The following PTPRT variants were observed in gnomAD, a reference collection of about 807,000 sequenced individuals.
PTPRT encodes protein tyrosine phosphatase receptor type T.
In PTPRT, 56 loss-of-function variants were observed where a neutral mutation model predicts 176.8. The observed-to-expected ratio is 0.32, with a 90% CI of 0.26 to 0.40. The LOEUF (loss-of-function observed/expected upper bound fraction) is 0.40. PTPRT is among the 10% of genes least tolerant of loss of function. The pLI, the probability that PTPRT is intolerant of heterozygous loss-of-function variation, is 1.00. For synonymous variants in PTPRT, 783 were observed against 739.0 expected (o/e 1.06, Z -0.96); for missense variants, 1,540 against 1,908.2 (o/e 0.81, Z 3.60).
At chr20:42,853,268 C>A (rs1314895248) in intron 2 of PTPRT, among the ~76,000 whole-genome samples, 1 of 152,104 alleles carries the variant, frequency 6.6e-6, no homozygotes, top group Non-Finnish European at 1.5e-5. Flanking sequence ...ATAGAACCGA[C>A]AGAATATATA....
At chr20:43,141,648 T>C (rs977803285) in intron 1 of PTPRT, among the ~76,000 whole-genome samples, 5 of 152,330 alleles carry the variant, frequency 3.3e-5, no homozygotes, top group African/African-American at 9.6e-5. Flanking sequence ...CAGTGTTGCA[T>C]TGCAAGGGTA....
At chr20:43,029,088 C>T (rs1179202966) in intron 1 of PTPRT, among the ~76,000 whole-genome samples, 1 of 152,198 alleles carries the variant, frequency 6.6e-6, no homozygotes, top group East Asian at 1.9e-4. Flanking sequence ...CTTTGAATTT[C>T]CTCTCCTAAC....
At chr20:42,480,632 T>C (rs1412121610) in intron 7 of PTPRT, among the ~76,000 whole-genome samples, 5 of 152,180 alleles carry the variant, frequency 3.3e-5, no homozygotes, top group African/African-American at 1.2e-4. Context: ...GATGATATGA[T>C]GAAGCTTGAT....
intron 1 of PTPRT, among the ~76,000 whole-genome samples, chr20:43,059,764 A>G (rs757257272): frequency 3.9e-5 from 6 of 152,124 alleles, no homozygotes; most frequent in African/African-American, 1.2e-4. Flanking sequence ...AGATCAACTG[A>G]TGTCAGGAGT....
intron 6 of PTPRT, among the ~76,000 whole-genome samples, chr20:42,690,850 G>A (rs914696299): frequency 6.6e-6 from 1 of 152,164 alleles, no homozygotes; most frequent in African/African-American, 2.4e-5. Flanking sequence ...TAAAATCAGG[G>A]TCATGGTCAT....
At chr20:42,123,067 A>T (rs6130042) in intron 19 of PTPRT, among the ~76,000 whole-genome samples, 43,635 of 152,110 alleles carry the variant, frequency 0.29, 6,752 homozygotes, top group Non-Finnish European at 0.34. Flanking sequence ...GACATGGGAC[A>T]TGCCACCCAG....
chr20:43,166,786 A>G (rs1268944561), intron 1 of PTPRT, among the ~76,000 whole-genome samples: 5 of 152,244 alleles, frequency 3.3e-5, no homozygotes, highest in African/African-American at 1.2e-4. Context: ...AATGGCTTCA[A>G]ATGGTTTTGT....
chr20:42,140,163 T>TAAAAC (rs986596998), intron 18 of PTPRT, among the ~76,000 whole-genome samples: 10 of 152,186 alleles, frequency 6.6e-5, no homozygotes, highest in East Asian at 1.9e-4. Context: ...TCTAGACAGT[T>TAAAAC]AAAACAAAAC....
chr20:42,930,767 AC>A (rs1388637682), intron 1 of PTPRT, among the ~76,000 whole-genome samples: 1 of 152,124 alleles, frequency 6.6e-6, no homozygotes, highest in Non-Finnish European at 1.5e-5. Context: ...GGCATGAGTC[AC>A]CATGCCCAGA....
chr20:42,305,261 G>A (rs2057527750), intron 12 of PTPRT, among the ~76,000 whole-genome samples: 1 of 108,472 alleles, frequency 9.2e-6, no homozygotes, highest in Non-Finnish European at 1.9e-5. Flanking sequence ...GCTGAGGCAG[G>A]AGAATCACTC....
At chr20:42,545,818 C>T (rs2072663858) in intron 7 of PTPRT, among the ~76,000 whole-genome samples, 1 of 152,120 alleles carries the variant, frequency 6.6e-6, no homozygotes, top group South Asian at 2.1e-4. Flanking sequence ...CAGAAGTTAG[C>T]AACAAGGTCC....
At chr20:42,136,227 C>G (rs1321907035) in intron 18 of PTPRT, among the ~76,000 whole-genome samples, 2 of 111,708 alleles carry the variant, frequency 1.8e-5, no homozygotes, top group African/African-American at 6.4e-5. Flanking sequence ...GGGTAAAGAA[C>G]AGTGCTTTTT....
At chr20:42,162,954 A>G (rs1416385005) in intron 16 of PTPRT, among the ~76,000 whole-genome samples, 1 of 152,240 alleles carries the variant, frequency 6.6e-6, no homozygotes, top group Non-Finnish European at 1.5e-5. Context: ...TAGGTGACCA[A>G]CTTGTCCCAG....
chr20:42,985,971 C>A (rs1983550127), intron 1 of PTPRT, among the ~76,000 whole-genome samples: 2 of 152,148 alleles, frequency 1.3e-5, no homozygotes, highest in Non-Finnish European at 1.5e-5. Context: ...TGACCGTGAA[C>A]CACAGGAGCC....
intron 9 of PTPRT, among the ~76,000 whole-genome samples, chr20:42,423,439 G>T (rs1471199732): frequency 6.6e-6 from 1 of 152,050 alleles, no homozygotes; most frequent in Non-Finnish European, 1.5e-5. Flanking sequence ...TACACCCTCA[G>T]TCTGGCCCCA....
At chr20:42,473,493 G>C (rs1447199815) in intron 7 of PTPRT, among the ~76,000 whole-genome samples, 1 of 151,994 alleles carries the variant, frequency 6.6e-6, no homozygotes. Flanking sequence ...TTGTTTCTTT[G>C]AGATGGGAGT....
intron 15 of PTPRT, among the ~76,000 whole-genome samples, chr20:42,227,079 C>G (rs1240296010): frequency 6.6e-6 from 1 of 151,880 alleles, no homozygotes; most frequent in Non-Finnish European, 1.5e-5. Context: ...GAGTCCCAAG[C>G]TGGGTTCTCT....
chr20:42,337,275 G>A (rs1191959326), intron 11 of PTPRT, among the ~76,000 whole-genome samples: 1 of 152,112 alleles, frequency 6.6e-6, no homozygotes, highest in Non-Finnish European at 1.5e-5. Flanking sequence ...CCATTTCTTA[G>A]CAGAGCTATT....
intron 9 of PTPRT, among the ~76,000 whole-genome samples, chr20:42,378,045 C>CAGA (rs2058667105): frequency 6.6e-6 from 1 of 152,190 alleles, no homozygotes. Flanking sequence ...GAATAGAAGG[C>CAGA]TTAACAGATG....
Sources: gnomAD v4.1 joint callset for allele counts (sites outside exome capture counted in the v4.1 genomes callset) on GRCh38, gnomAD v4.1.1 for gene constraint, MANE v1.5 for transcripts, NCBI Gene and HGNC (gene_info 2026-07-23, HGNC 2026-07-21) for gene names.